Variants in GRB10 observed in about 807,000 individuals in gnomAD.
The protein encoded by GRB10 is growth factor receptor-bound protein 10.
A neutral mutation model predicts 80.9 loss-of-function variants in GRB10; 20 were observed. The ratio of observed to expected loss-of-function variants is 0.25; its 90% CI spans 0.17 to 0.36. The LOEUF (loss-of-function observed/expected upper bound fraction) is 0.36. Ranked by LOEUF, GRB10 falls within the 10% of genes least tolerant of loss-of-function variation. The probability of loss-of-function intolerance (pLI) is 1.00; values close to 1 mark genes in which losing one functional copy is unlikely to be tolerated. For synonymous variants in GRB10, 291 were observed against 291.5 expected (o/e 1.00, Z 0.02); for missense variants, 548 against 747.7 (o/e 0.73, Z 3.12).
chr7:50,723,404 T>G (rs1025794606), intron 4 of GRB10, among the ~76,000 whole-genome samples: 1 of 152,242 alleles, frequency 6.6e-6, no homozygotes, highest in Non-Finnish European at 1.5e-5. Flanking sequence ...GCCAATCATT[T>G]CCTCATTGTC....
intron 8 of GRB10, among the ~76,000 whole-genome samples, chr7:50,625,469 GT>G (rs1390310046): frequency 6.6e-6 from 1 of 152,064 alleles, no homozygotes; most frequent in African/African-American, 2.4e-5. Flanking sequence ...TAATTTCCAA[GT>G]TACTTGTGTG....
At position 50,674,565 on chromosome 7, in the gene GRB10, G is replaced by A. The variant is rs1023743009; in HGVS notation, c.233C>T (p.Pro78Leu). The change falls in exon 6 of 19, where the codon CCC becomes CTC. Residue 78 changes from proline (P) to leucine (L), a missense_variant. Pro to Leu is a moderately conservative substitution (Grantham distance 98). Transcript: ENST00000401949. Reference protein sequence around the residue: ...SACSMQSDTVPLLQNGQHARS... With the variant: ...SACSMQSDTVLLLQNGQHARS... ...GGCATGCTGGCCATTCTGCAGGAGG[G>A]GCACCGTGTCTGACTGCATGCTGCA... 9 of 1,612,786 alleles carry A rather than the reference G, an allele frequency of 5.6e-6. No homozygotes were observed. Among genetic ancestry groups the A allele is most frequent in the Non-Finnish European group, 7.6e-6 (9 of 1,180,030 alleles).
At chr7:50,629,111 C>T (rs1169876601) in intron 7 of GRB10, among the ~76,000 whole-genome samples, 1 of 152,192 alleles carries the variant, frequency 6.6e-6, no homozygotes, top group Non-Finnish European at 1.5e-5. Context: ...TAATGCTCTT[C>T]TTCCCTGAGT....
intron 7 of GRB10, among the ~76,000 whole-genome samples, chr7:50,644,921 G>A (rs868657559): frequency 3.9e-5 from 6 of 152,368 alleles, no homozygotes; most frequent in Middle Eastern, 3.4e-3. Context: ...TTCACAAACG[G>A]TGAAGTCTGA....
At chr7:50,687,566 T>A (rs1402911166) in intron 5 of GRB10, among the ~76,000 whole-genome samples, 1 of 152,120 alleles carries the variant, frequency 6.6e-6, no homozygotes, top group Non-Finnish European at 1.5e-5. Flanking sequence ...ATGTCTCCAC[T>A]CAACCCTGGG....
chr7:50,789,505 A>G (rs1361437297), intron 1 of GRB10, among the ~76,000 whole-genome samples: 5 of 152,208 alleles, frequency 3.3e-5, no homozygotes, highest in African/African-American at 1.2e-4. Flanking sequence ...TACAACCAGG[A>G]GTCAACTGAG....
chr7:50,791,399 C>T (rs543729345), intron 1 of GRB10, among the ~76,000 whole-genome samples: 1 of 152,176 alleles, frequency 6.6e-6, no homozygotes. Context: ...ACCTGACCCA[C>T]GCCATTTCCC....
At chr7:50,633,032 C>G (rs1414721322) in intron 7 of GRB10, among the ~76,000 whole-genome samples, 1 of 152,180 alleles carries the variant, frequency 6.6e-6, no homozygotes, top group Non-Finnish European at 1.5e-5. Context: ...GGTATTTCCC[C>G]ACATCAACAA....
At chr7:50,713,597 C>T (rs73349048) in intron 4 of GRB10, among the ~76,000 whole-genome samples, 316 of 125,696 alleles carry the variant, frequency 2.5e-3, no homozygotes, top group African/African-American at 8.5e-3. Context: ...ACCTCCTCTA[C>T]CATCTCCACC....
At chr7:50,699,397 T>G (rs7458787) in intron 5 of GRB10, among the ~76,000 whole-genome samples, 1 of 152,152 alleles carries the variant, frequency 6.6e-6, no homozygotes, top group Non-Finnish European at 1.5e-5. Flanking sequence ...AACAAATGAA[T>G]TTTAACAAGT....
chr7:50,772,425 G>A (rs2077078277), intron 2 of GRB10, among the ~76,000 whole-genome samples: 1 of 152,152 alleles, frequency 6.6e-6, no homozygotes, highest in African/African-American at 2.4e-5. Context: ...CCAAGGCAAG[G>A]GAATTAAATA....
intron 13 of GRB10, among the ~76,000 whole-genome samples, chr7:50,607,639 C>G (rs73131008): frequency 0.083 from 12,630 of 152,270 alleles, 799 homozygotes; most frequent in South Asian, 0.13. Context: ...CCCCATGTTA[C>G]AGAGCACAGA....
chr7:50,616,137 G>A lies in GRB10; in HGVS notation c.984+73C>T, dbSNP rs1412303957. 23 of 1,566,922 alleles carry A rather than the reference G, an allele frequency of 1.5e-5. No individual in the cohort carries two copies. The African/African-American group carries it at 3.0e-4, about 20-fold the overall frequency. On this transcript the variant is annotated intron_variant, in intron 11 of 18. Transcript: ENST00000401949. ...AAGGTGCATTTAAAAATGAAGCCCA[G>A]GTTCACTCTGAGGACCTGGGGGGAG...
intron 1 of GRB10, among the ~76,000 whole-genome samples, chr7:50,788,383 T>C (rs1040933139): frequency 1.3e-5 from 2 of 152,022 alleles, no homozygotes; most frequent in East Asian, 3.9e-4. Context: ...CAAGAGAAGG[T>C]AGAAAGCGGG....
intron 4 of GRB10, among the ~76,000 whole-genome samples, chr7:50,722,219 CCA>C (rs2153685668): frequency 6.6e-6 from 1 of 152,284 alleles, no homozygotes; most frequent in African/African-American, 2.4e-5. Flanking sequence ...TCTGCCCTGC[CCA>C]CTCTCATGCC....
At chr7:50,724,364 G>A (rs529498900) in intron 4 of GRB10, among the ~76,000 whole-genome samples, 5 of 152,284 alleles carry the variant, frequency 3.3e-5, no homozygotes, top group Admixed American at 2.6e-4. Flanking sequence ...ACAAAAATAC[G>A]ATACACACCC....
At chr7:50,699,885 C>A (rs940530471) in intron 5 of GRB10, among the ~76,000 whole-genome samples, 7 of 152,046 alleles carry the variant, frequency 4.6e-5, no homozygotes, top group Non-Finnish European at 1.0e-4. Flanking sequence ...CCTGTAATCC[C>A]AACACTTTGG....
In GRB10 at chr7:50,656,166, G is replaced by C. The variant is rs138980404; in HGVS notation, c.504+13556C>G. The stretch of plus-strand genomic sequence containing the variant: ...GTTATTTCCTGACTGTGTCCTGGTA[G>C]GGGAAGTTGGAACCCTGAGGAGACA... On this transcript the variant is annotated intron_variant, in intron 7 of 18. Coordinates refer to ENST00000401949, the MANE Select transcript of GRB10 (RefSeq NM_001350814.2). Among the ~76,000 whole-genome samples the C allele has an allele frequency of 3.3e-5, 5 of 152,330 alleles. 1 individual carries two copies. In the East Asian group the frequency reaches 9.6e-4, roughly 29 times the overall value.
chr7:50,775,874 C>T (rs1010461791), intron 2 of GRB10, among the ~76,000 whole-genome samples: 1 of 152,182 alleles, frequency 6.6e-6, no homozygotes, highest in African/African-American at 2.4e-5. Context: ...TGAGCTACAG[C>T]TGGGATATCC....
Sources: gnomAD v4.1 joint callset for allele counts (sites outside exome capture counted in the v4.1 genomes callset) on GRCh38, gnomAD v4.1.1 for gene constraint, MANE v1.5 for transcripts, NCBI Gene and HGNC (gene_info 2026-07-23, HGNC 2026-07-21) for gene names.